Variants in MVP observed in about 807,000 individuals in gnomAD.
MVP encodes the protein major vault protein.
Under a neutral mutation model 83.5 loss-of-function variants are expected in MVP, and 62 were observed. The observed-to-expected ratio is 0.74, with a 90% CI of 0.61 to 0.92. The LOEUF (loss-of-function observed/expected upper bound fraction) is 0.92. MVP is among the 40% of genes least tolerant of loss of function. The probability of loss-of-function intolerance (pLI) is 0.00; values close to 1 mark genes in which losing one functional copy is unlikely to be tolerated. For missense variants in MVP, 1,000 were observed against 1,203.4 expected (o/e 0.83, Z 2.50); for synonymous variants, 505 against 504.1 (o/e 1.00, Z -0.02).
At chr16:29,835,395 G>A (rs1459476504) in intron 5 of MVP, 1 of 207,704 alleles carries the variant, frequency 4.8e-6, no homozygotes, top group African/African-American at 2.4e-5. Context: ...TCAGGAGGCT[G>A]AGGCATGAGA....
chr16:29,826,009 A>G (rs1244136331), intron 1 of MVP: 1 of 152,232 alleles, frequency 6.6e-6, no homozygotes, highest in Non-Finnish European at 1.5e-5. Flanking sequence ...TAAAGCCCCT[A>G]CTTGCTGTTC....
At position 29,846,164 on chromosome 16, in the gene MVP, C is replaced by T. The variant is rs764751958; in HGVS notation, c.2145C>T (p.Ala715=). ...GACTCTGCCTTCTCCCCAGCATGGC[C>T]GTGGAGAGCACCGGGACTGCCAAGG... ...ELLELEALSM[A]VESTGTAKAE... Residue 715 remains alanine (A), a synonymous_variant, in exon 13 of 15, where the codon GCC becomes GCT. Transcript: ENST00000357402. 3.8e-5 allele frequency: 62 copies of T among 1,610,684 alleles called. No homozygotes were observed. The highest frequency in any genetic ancestry group is 1.0e-4 in the Admixed American group (6 of 59,640).
Position 29,829,321 on chromosome 16 carries a change from C to CAA in MVP, c.-35-1184_-35-1183dup, listed in dbSNP as rs111710389. Among the ~76,000 whole-genome samples the CAA allele has an allele frequency of 7.1e-3, 1,023 of 143,088 alleles. 17 individuals carry two copies. Among genetic ancestry groups the CAA allele is most frequent in the African/African-American group, 0.024 (963 of 39,446 alleles). The allele number at this position is 143,088 out of a possible 152,430, so 93.9% of individuals were successfully genotyped here. On this transcript the variant is annotated intron_variant, in intron 1 of 14. Transcript: ENST00000357402. The stretch of plus-strand genomic sequence containing the variant: ...GCAACATAATGAGACCTCATCTCTC[C>CAA]AAAAAAAAAAATTAGCTAGACATGG...
intron 6 of MVP, 47 bp from the exon 7 acceptor site, chr16:29,836,675 T>C: frequency 6.8e-7 from 1 of 1,477,066 alleles, no homozygotes; most frequent in Non-Finnish European, 9.1e-7. Context: ...GCAGATCCCC[T>C]GAAGTTGGAG....
intron 3 of MVP, among the ~76,000 whole-genome samples, chr16:29,832,988 C>T (rs1462541962): frequency 6.6e-6 from 1 of 151,776 alleles, no homozygotes; most frequent in African/African-American, 2.4e-5. Context: ...TTACTTGAAC[C>T]TGGGAGGCGG....
intron 8 of MVP, among the ~76,000 whole-genome samples, chr16:29,840,716 CGGAT>C (rs1435775933): frequency 2.0e-5 from 3 of 152,036 alleles, no homozygotes; most frequent in Non-Finnish European, 2.9e-5. Context: ...CCGAGGCGGG[CGGAT>C]CACCTGAGGT....
chr16:29,847,961 A>G lies in MVP; in HGVS notation c.2654A>G (p.Asp885Gly), dbSNP rs142001681. 5.9e-4 allele frequency: 942 copies of G among 1,609,486 alleles called. 8 individuals are homozygous for G. The African/African-American group carries it at 0.011, about 19-fold the overall frequency. The change falls in exon 15 of 15, where the codon GAC becomes GGC. Residue 885 changes from aspartate (D) to glycine (G), a missense_variant. By Grantham distance (94) the Asp-to-Gly change is moderately conservative. Transcript: ENST00000357402. ...QSAQAPQAPG[D>G]NHVVPVLR ...GCTCAGGCCCCTCAAGCTCCTGGAG[A>G]CAACCACGTGGTGCCTGTACTGCGC...
rs2067583341 is a variant in MVP at position 29,846,140 on chromosome 16, ACT to A, written c.2139-15_2139-14del. 4 of 1,605,774 alleles carry A rather than the reference ACT, an allele frequency of 2.5e-6. No individual in the cohort carries two copies. Among genetic ancestry groups the A allele is most frequent in the Non-Finnish European group, 3.4e-6 (4 of 1,175,046 alleles). ...TGGGCTGTCTCCCGGGTCTTACCTGACTCTGCCTTCTCCCCAGCATGGCCGTG... is the reference window on the plus strand; with the variant it reads ...TGGGCTGTCTCCCGGGTCTTACCTGACTGCCTTCTCCCCAGCATGGCCGTG... On this transcript the variant is annotated splice_polypyrimidine_tract_variant and intron_variant, in intron 12 of 14. Coordinates refer to ENST00000357402, the MANE Select transcript of MVP (RefSeq NM_005115.5).
intron 1 of MVP, among the ~76,000 whole-genome samples, chr16:29,822,100 T>A (rs1278271921): frequency 6.6e-6 from 1 of 151,538 alleles, no homozygotes; most frequent in Non-Finnish European, 1.5e-5. Flanking sequence ...TTTTTTTTTT[T>A]TTTAAAGAAT....
chr16:29,838,892 A>G (rs1280438655), intron 7 of MVP, among the ~76,000 whole-genome samples: 1 of 152,198 alleles, frequency 6.6e-6, no homozygotes, highest in Non-Finnish European at 1.5e-5. Context: ...TGTTATGCTA[A>G]GTGAAAGAAG....
At position 29,820,520 on chromosome 16, in the gene MVP, T is replaced by G. The variant is rs1900349102; in HGVS notation, c.-36+10T>G. On this transcript the variant is annotated intron_variant, in intron 1 of 14. Coordinates refer to ENST00000357402, the MANE Select transcript of MVP (RefSeq NM_005115.5). ...ACCTGCACTTCTAGATGTGAGTACA[T>G]TGTACTAGCCCCCCAAACCCCAAAT... The G allele has an allele frequency of 1.3e-5, 2 of 152,234 alleles. No individual in the cohort carries two copies. The highest frequency in any genetic ancestry group is 4.8e-5 in the African/African-American group (2 of 41,438). 9.4% of individuals were successfully genotyped at this position (152,234 alleles called of 1,614,324 possible).
chr16:29,845,648 A>C (rs2067577766), intron 11 of MVP, among the ~76,000 whole-genome samples: 1 of 152,152 alleles, frequency 6.6e-6, no homozygotes, highest in African/African-American at 2.4e-5. Flanking sequence ...AAGTGGCGTG[A>C]AAGTAGGGGG....
At chr16:29,835,537 C>G in intron 5 of MVP, 167 bp from the exon 6 acceptor site, 1 of 402,924 alleles carries the variant, frequency 2.5e-6, no homozygotes, top group Non-Finnish European at 4.5e-6. Flanking sequence ...GGGGGTTTGG[C>G]CTCAAAAGAA....
rs1179966870 is a variant in MVP, at chr16:29,831,029, G to A, written c.277G>A (p.Ala93Thr). The part of the protein sequence containing the change: ...LRHADLEIRL[A>T]QDPFPLYPGE... ...CCACGCTGACCTCGAGATCCGGCTG[G>A]CCCAGGACCCCTTCCCCCTGTACCC... is the stretch of plus-strand genomic sequence containing the variant. Residue 93 changes from alanine (A) to threonine (T), a missense_variant, in exon 3 of 15, where the codon GCC becomes ACC. Physicochemically the swap from Ala to Thr is moderately conservative, Grantham distance 58. Coordinates refer to ENST00000357402, the MANE Select transcript of MVP (RefSeq NM_005115.5). The A allele has an allele frequency of 3.1e-6, 5 of 1,613,522 alleles. No individual in the cohort carries two copies. The highest frequency in any genetic ancestry group is 3.4e-6 in the Non-Finnish European group (4 of 1,180,006).
chr16:29,840,974 G>C (rs780141606), intron 8 of MVP, among the ~76,000 whole-genome samples: 5 of 151,974 alleles, frequency 3.3e-5, no homozygotes, highest in African/African-American at 4.8e-5. Context: ...GAGGACAAGT[G>C]GGGGTTTAGG....
chr16:29,841,310 T>C lies in MVP; in HGVS notation c.1192-286T>C, dbSNP rs1195708222. Among the ~76,000 whole-genome samples, 1 of 152,096 alleles carries C rather than the reference T, an allele frequency of 6.6e-6. No homozygotes were observed. Among genetic ancestry groups the C allele is most frequent in the East Asian group, 1.9e-4 (1 of 5,182 alleles). Reference sequence around the variant, plus strand: ...AGCACCTTCTCTATGCCAAGAGCTGTTTGAGCTAGACATGTGAAGATGTCA... The same window carrying C: ...AGCACCTTCTCTATGCCAAGAGCTGCTTGAGCTAGACATGTGAAGATGTCA... On this transcript the variant is annotated intron_variant, in intron 8 of 14. Coordinates refer to ENST00000357402, the MANE Select transcript of MVP (RefSeq NM_005115.5). This position sits in a 1 kb window ranked among gnomAD's most constrained non-coding sequence, Gnocchi z 4.7.
chr16:29,844,791 C>T lies in MVP; in HGVS notation c.1933C>T (p.Pro645Ser). ...CAGTGTGGACGTGCAGTCAGTGGAG[C>T]CTGTGGATCAGAGGACCCGGGACGC... is the stretch of plus-strand genomic sequence containing the variant. ...VSSVDVQSVE[P>S]VDQRTRDALQ... The change falls in exon 11 of 15, where the codon CCT becomes TCT. Residue 645 changes from proline (P) to serine (S), a missense_variant. Physicochemically the swap from Pro to Ser is moderately conservative, Grantham distance 74 (BLOSUM62 -1). Coordinates refer to ENST00000357402, the MANE Select transcript of MVP (RefSeq NM_005115.5). 2 of 1,610,398 alleles carry T rather than the reference C, an allele frequency of 1.2e-6. No homozygotes were observed. The highest frequency in any genetic ancestry group is 1.3e-5 in the African/African-American group (1 of 75,060).
At chr16:29,829,075 T>G (rs1243833196) in intron 1 of MVP, among the ~76,000 whole-genome samples, 1 of 145,600 alleles carries the variant, frequency 6.9e-6, no homozygotes, top group Non-Finnish European at 1.5e-5. Flanking sequence ...AGGAACCACT[T>G]TTTTTTTTTT....
rs370590822 is a variant in MVP, at chr16:29,846,305, A to AG, written c.2265+22dup. ...AAACGGTGAGTGGGGGGAGGCATTAAGAAGAGGGTGGCCTTGAGTCCTGGA... is the reference window on the plus strand; with the variant it reads ...AAACGGTGAGTGGGGGGAGGCATTAAGGAAGAGGGTGGCCTTGAGTCCTGGA... On this transcript the variant is annotated intron_variant, in intron 13 of 14. Transcript: ENST00000357402. 4 of 1,547,636 alleles carry AG rather than the reference A, an allele frequency of 2.6e-6. No individual in the cohort carries two copies. In the African/African-American group the frequency reaches 5.5e-5, roughly 21 times the overall value.
Sources: allele counts gnomAD v4.1 joint callset (sites outside exome capture counted in the v4.1 genomes callset), GRCh38; gene constraint gnomAD v4.1.1; non-coding constraint Gnocchi (gnomAD v3.1); transcripts MANE v1.5; gene names NCBI Gene and HGNC (gene_info 2026-07-23, HGNC 2026-07-21).